The following IRAG1 variants were observed in gnomAD, a reference collection of about 807,000 sequenced individuals.
The protein encoded by IRAG1 is inositol 1,4,5-triphosphate receptor associated 1.
In IRAG1, 62 loss-of-function variants were observed where a neutral mutation model predicts 106.2. That is an observed-to-expected ratio of 0.58 (90% CI 0.48 to 0.72). IRAG1 has a LOEUF of 0.72. Ranked by LOEUF, IRAG1 falls within the 30% of genes least tolerant of loss-of-function variation. The pLI is 0.00. For synonymous variants in IRAG1, 462 were observed against 443.9 expected (o/e 1.04, Z -0.51); for missense variants, 1,064 against 1,140.7 (o/e 0.93, Z 0.97).
intron 1 of IRAG1, among the ~76,000 whole-genome samples, chr11:10,680,540 G>GGGAAGGAA (rs1554935817): frequency 4.2e-4 from 36 of 85,726 alleles, no homozygotes; most frequent in African/African-American, 1.9e-3. Context: ...AGGAAGGAAG[G>GGGAAGGAA]GGAAGGGGAA....
chr11:10,582,023 A>G, intron 18 of IRAG1, 37 bp from the exon 19 acceptor site: 1 of 1,578,880 alleles, frequency 6.3e-7, no homozygotes, highest in Non-Finnish European at 8.6e-7. Context: ...ATCATTTCAG[A>G]AAAAGGTGGA....
At chr11:10,681,687 G>T (rs1226630129) in intron 1 of IRAG1, among the ~76,000 whole-genome samples, 1 of 152,166 alleles carries the variant, frequency 6.6e-6, no homozygotes, top group Non-Finnish European at 1.5e-5. Flanking sequence ...GGCAGAACCA[G>T]GCCTACAACT....
At chr11:10,684,181 A>T (rs976089589) in intron 1 of IRAG1, among the ~76,000 whole-genome samples, 2 of 152,168 alleles carry the variant, frequency 1.3e-5, no homozygotes, top group Non-Finnish European at 2.9e-5. Flanking sequence ...GGCACTATTC[A>T]CAATAGCAAA....
At chr11:10,604,349 G>T (rs1854302460) in intron 13 of IRAG1, 56 bp downstream of exon 13, 2 of 1,605,572 alleles carry the variant, frequency 1.2e-6, no homozygotes, top group African/African-American at 1.3e-5. Flanking sequence ...CACCCTGTAT[G>T]GCCCTTGGGG....
chr11:10,630,949 T>C (rs1856647585), intron 4 of IRAG1, among the ~76,000 whole-genome samples: 1 of 152,190 alleles, frequency 6.6e-6, no homozygotes, highest in African/African-American at 2.4e-5. Context: ...GGCTCGGGGA[T>C]GGCCATGTGA....
At chr11:10,613,164 TATAAC>T (rs1344461139) in intron 10 of IRAG1, among the ~76,000 whole-genome samples, 1 of 150,856 alleles carries the variant, frequency 6.6e-6, no homozygotes, top group Non-Finnish European at 1.5e-5. Context: ...TATTCAAAGA[TATAAC>T]AGAAGAAAAA....
intron 18 of IRAG1, among the ~76,000 whole-genome samples, chr11:10,584,548 AATATATATATATATATATAT>A (rs56768282): frequency 1.9e-4 from 19 of 98,580 alleles, no homozygotes; most frequent in South Asian, 8.3e-4. Flanking sequence ...TCTTTCATGA[AATATATATATATATATATAT>A]ATATATATAT....
chr11:10,621,828 T>C (rs1344186402), intron 10 of IRAG1, among the ~76,000 whole-genome samples: 1 of 152,206 alleles, frequency 6.6e-6, no homozygotes, highest in African/African-American at 2.4e-5. Flanking sequence ...GAAGATGTTT[T>C]ACTAATTGAA....
At chr11:10,591,497 G>A (rs1239684079) in intron 18 of IRAG1, 51 bp downstream of exon 18, 1 of 1,496,558 alleles carries the variant, frequency 6.7e-7, no homozygotes, top group African/African-American at 1.4e-5. Context: ...GTAAAATGGG[G>A]AAAATTTCCT....
chr11:10,660,905 C>G (rs1397868730), intron 1 of IRAG1, among the ~76,000 whole-genome samples: 2 of 152,226 alleles, frequency 1.3e-5, no homozygotes, highest in Non-Finnish European at 2.9e-5. Flanking sequence ...TTCCTCCCAT[C>G]CCTGGCACCC....
intron 2 of IRAG1, among the ~76,000 whole-genome samples, chr11:10,646,874 C>T (rs1438815910): frequency 6.6e-6 from 1 of 152,116 alleles, no homozygotes; most frequent in Admixed American, 6.5e-5. Context: ...CTCAATGTGT[C>T]CATGTCCCTT....
At chr11:10,635,706 C>A (rs1001879053) in intron 2 of IRAG1, among the ~76,000 whole-genome samples, 15 of 152,288 alleles carry the variant, frequency 9.8e-5, no homozygotes, top group Admixed American at 2.0e-4. Flanking sequence ...TTTTAGTGAA[C>A]CCAGCTTTTC....
intron 2 of IRAG1, among the ~76,000 whole-genome samples, chr11:10,648,220 C>T (rs563996708): frequency 2.9e-3 from 436 of 152,256 alleles, no homozygotes; most frequent in Non-Finnish European, 3.9e-3. Context: ...AAAAATTAGC[C>T]AGGCGTGGTG....
chr11:10,653,063 C>T (rs1397617323), intron 1 of IRAG1, among the ~76,000 whole-genome samples: 1 of 152,166 alleles, frequency 6.6e-6, no homozygotes, highest in African/African-American at 2.4e-5. Flanking sequence ...CCCACAGTGA[C>T]TGGCTCAGGG....
At chr11:10,673,308 A>G (rs1308407741) in intron 1 of IRAG1, among the ~76,000 whole-genome samples, 1 of 152,188 alleles carries the variant, frequency 6.6e-6, no homozygotes, top group Admixed American at 6.5e-5. Context: ...AAGTAATGAT[A>G]TAAGTTTTAA....
In IRAG1 at chr11:10,649,829, A is replaced by C. The variant is rs186863451; in HGVS notation, c.225+2196T>G. Among the ~76,000 whole-genome samples the C allele has an allele frequency of 1.7e-3, 266 of 152,304 alleles. 2 individuals carry two copies. Among genetic ancestry groups the C allele is most frequent in the African/African-American group, 5.9e-3 (246 of 41,560 alleles). On this transcript the variant is annotated intron_variant, in intron 2 of 20. Transcript: ENST00000423302. Reference sequence around the variant, plus strand: ...GAGCTCCAAATTCCAGTTCCCCACAAGTTCAGTCTCCCTGTGACCCTGAGC... The same window carrying C: ...GAGCTCCAAATTCCAGTTCCCCACACGTTCAGTCTCCCTGTGACCCTGAGC...
chr11:10,579,503 A>C (rs1851174033), intron 20 of IRAG1, among the ~76,000 whole-genome samples: 1 of 152,198 alleles, frequency 6.6e-6, no homozygotes, highest in Admixed American at 6.5e-5. Context: ...AAAAAATCAA[A>C]ATTCAAGACT....
Position 10,640,049 on chromosome 11 carries a change from G to C in IRAG1, c.226-5978C>G, listed in dbSNP as rs1775938203. Reference sequence around the variant, plus strand: ...TCCCATTCATTAGCATGAAGGAATGGGGAGAGAAGGGGAAGTAACCTCCAC... The same window carrying C: ...TCCCATTCATTAGCATGAAGGAATGCGGAGAGAAGGGGAAGTAACCTCCAC... On this transcript the variant is annotated intron_variant, in intron 2 of 20. Coordinates refer to ENST00000423302, the MANE Select transcript of IRAG1 (RefSeq NM_130385.4). Among the ~76,000 whole-genome samples, 3 of 152,198 alleles carry C rather than the reference G, an allele frequency of 2.0e-5. No individual in the cohort carries two copies. The South Asian group carries it at 6.2e-4, about 32-fold the overall frequency.
rs756101636 is a variant in IRAG1 at position 10,628,006 on chromosome 11, G to A, written c.672C>T (p.Gly224=). 6.2e-7 allele frequency: 1 copy of A among 1,612,174 alleles called. No individual in the cohort carries two copies. The highest frequency in any genetic ancestry group is 8.5e-7 in the Non-Finnish European group (1 of 1,178,628). The change falls in exon 7 of 21, where the codon GGC becomes GGT. Residue 224 remains glycine, a synonymous_variant. Transcript: ENST00000423302. The surrounding 1 kb of genome is among the most constrained non-coding windows in gnomAD (Gnocchi z 4.1). ...GTGCTCCAGGCAGAGGGGATGGCGGGCCACTGCACACATCCAAACCTGGAA... is the reference window on the plus strand; with the variant it reads ...GTGCTCCAGGCAGAGGGGATGGCGGACCACTGCACACATCCAAACCTGGAA... The part of the protein sequence containing the change: ...PTPPGLDVCS[G]PPSPLPGAPP...
Sources: gnomAD v4.1 joint callset for allele counts (sites outside exome capture counted in the v4.1 genomes callset) on GRCh38, gnomAD v4.1.1 for gene constraint, Gnocchi (gnomAD v3.1) non-coding constraint, MANE v1.5 for transcripts, NCBI Gene and HGNC (gene_info 2026-07-23, HGNC 2026-07-21) for gene names.